DLG2: variants seen among roughly 807,000 people sequenced by gnomAD.
DLG2 encodes discs large MAGUK scaffold protein 2.
A neutral mutation model predicts 132.5 loss-of-function variants in DLG2; 45 were observed. The ratio of observed to expected loss-of-function variants is 0.34; its 90% CI spans 0.27 to 0.44. The LOEUF (loss-of-function observed/expected upper bound fraction) is 0.44, where lower values mean the gene tolerates loss of function less well. Ranked by LOEUF, DLG2 falls within the 20% of genes least tolerant of loss-of-function variation. The pLI is 1.00. For synonymous variants in DLG2, 424 were observed against 419.6 expected (o/e 1.01, Z -0.13); for missense variants, 1,045 against 1,196.9 (o/e 0.87, Z 1.87).
intron 11 of DLG2, among the ~76,000 whole-genome samples, chr11:84,006,066 G>T (rs538821874): frequency 6.6e-6 from 1 of 151,938 alleles, no homozygotes; most frequent in African/African-American, 2.4e-5. Flanking sequence ...GCAAAGACAT[G>T]AAATCAATCT....
At chr11:83,928,599 A>C (rs980552449) in intron 15 of DLG2, among the ~76,000 whole-genome samples, 1 of 152,078 alleles carries the variant, frequency 6.6e-6, no homozygotes, top group African/African-American at 2.4e-5. Flanking sequence ...AATGGGGGGA[A>C]ATTTTTTTCC....
intron 7 of DLG2, among the ~76,000 whole-genome samples, chr11:84,363,516 T>C (rs2098663371): frequency 6.6e-6 from 1 of 151,996 alleles, no homozygotes; most frequent in African/African-American, 2.4e-5. Flanking sequence ...TTAGTTTAAT[T>C]AGATCCCATT....
chr11:83,565,159 A>T (rs1768628027), intron 19 of DLG2, among the ~76,000 whole-genome samples: 1 of 152,160 alleles, frequency 6.6e-6, no homozygotes, highest in African/African-American at 2.4e-5. Context: ...TCCAAAGGCC[A>T]CCTCAGTACT....
intron 7 of DLG2, among the ~76,000 whole-genome samples, chr11:84,258,472 A>G (rs1408590581): frequency 6.6e-6 from 1 of 152,226 alleles, no homozygotes; most frequent in Non-Finnish European, 1.5e-5. Flanking sequence ...AAGCATATAT[A>G]AGGTGCTTAT....
At chr11:84,057,465 A>T (rs2096524201) in intron 11 of DLG2, among the ~76,000 whole-genome samples, 1 of 152,148 alleles carries the variant, frequency 6.6e-6, no homozygotes, top group Admixed American at 6.6e-5. Context: ...TCCTTGCAAT[A>T]TGATTTTAGT....
At chr11:84,144,734 G>T (rs1052768123) in intron 9 of DLG2, among the ~76,000 whole-genome samples, 47 of 152,210 alleles carry the variant, frequency 3.1e-4, no homozygotes, top group Non-Finnish European at 1.2e-4. Context: ...TGTGTGGGTT[G>T]TCTTGTCACT....
chr11:84,305,676 A>C (rs1312806588), intron 7 of DLG2, among the ~76,000 whole-genome samples: 1 of 152,076 alleles, frequency 6.6e-6, no homozygotes, highest in Non-Finnish European at 1.5e-5. Context: ...GAAGGCATAT[A>C]TTTGATTTCT....
intron 6 of DLG2, among the ~76,000 whole-genome samples, chr11:85,100,343 C>A (rs1044363320): frequency 2.0e-5 from 3 of 152,000 alleles, no homozygotes; most frequent in African/African-American, 7.3e-5. Flanking sequence ...CTGATTTAGG[C>A]ATATTTATAT....
At chr11:84,944,605 A>ATT (rs60502429) in intron 6 of DLG2, among the ~76,000 whole-genome samples, 78,623 of 133,736 alleles carry the variant, frequency 0.59, 24,108 homozygotes, top group East Asian at 0.76. Flanking sequence ...GTCTCTGTTA[A>ATT]TTTTTTTTTT....
At chr11:84,099,397 A>T (rs1047998360) in intron 9 of DLG2, among the ~76,000 whole-genome samples, 1 of 152,168 alleles carries the variant, frequency 6.6e-6, no homozygotes, top group Non-Finnish European at 1.5e-5. Flanking sequence ...TTATACATTT[A>T]TATGAAAGAG....
chr11:84,840,944 A>G (rs1353378220), intron 6 of DLG2, among the ~76,000 whole-genome samples: 2 of 151,762 alleles, frequency 1.3e-5, no homozygotes, highest in Non-Finnish European at 2.9e-5. Context: ...AATATGTAAC[A>G]AACCTACGTG....
rs1025670008 is a variant in DLG2, at chr11:85,472,658, G to A, written c.40+125999C>T. On this transcript the variant is annotated intron_variant, in intron 3 of 27. Coordinates refer to ENST00000376104, the MANE Select transcript of DLG2 (RefSeq NM_001142699.3). ...CCTTGCTCACTCTTTGGTTATCCTT[G>A]TAACCTCATTCTTAAATGTGGGAAA... 1.8e-4 allele frequency among the ~76,000 whole-genome samples: 28 copies of A among 152,132 alleles called. 1 individual carries two copies. Among genetic ancestry groups the A allele is most frequent in the Non-Finnish European group, 3.5e-4 (24 of 68,038 alleles).
chr11:83,971,235 G>A (rs1417386514), intron 12 of DLG2, among the ~76,000 whole-genome samples: 1 of 152,062 alleles, frequency 6.6e-6, no homozygotes, highest in Non-Finnish European at 1.5e-5. Flanking sequence ...TCTCTGTGGG[G>A]TGCACCACAC....
At chr11:85,430,928 C>T (rs2091138093) in intron 3 of DLG2, among the ~76,000 whole-genome samples, 1 of 150,282 alleles carries the variant, frequency 6.7e-6, no homozygotes, top group African/African-American at 2.4e-5. Flanking sequence ...GCCAAGATTA[C>T]ACCACTGTAT....
intron 4 of DLG2, among the ~76,000 whole-genome samples, chr11:85,273,658 G>A (rs2077692740): frequency 1.3e-5 from 2 of 152,184 alleles, no homozygotes; most frequent in African/African-American, 4.8e-5. Context: ...CTGTTGGTGG[G>A]ACTGTAAACT....
At chr11:85,377,647 A>G (rs986471729) in intron 3 of DLG2, among the ~76,000 whole-genome samples, 2 of 151,942 alleles carry the variant, frequency 1.3e-5, no homozygotes, top group African/African-American at 4.8e-5. Flanking sequence ...AAGTTTGCTC[A>G]TTGGTTTCCT....
chr11:84,868,923 C>A (rs764597044), intron 6 of DLG2, among the ~76,000 whole-genome samples: 21 of 152,154 alleles, frequency 1.4e-4, no homozygotes, highest in Non-Finnish European at 2.8e-4. Flanking sequence ...TTTTCAAATT[C>A]TACAGCTGGA....
intron 7 of DLG2, among the ~76,000 whole-genome samples, chr11:84,421,500 T>C (rs111750966): frequency 0.011 from 1,724 of 152,278 alleles, 21 homozygotes; most frequent in African/African-American, 0.034. Context: ...AGTTTGAGAA[T>C]ACTGTAAACG....
chr11:83,466,814 T>C lies in DLG2; in HGVS notation c.2623A>G (p.Lys875Glu). 6.2e-7 allele frequency: 1 copy of C among 1,608,984 alleles called. No homozygotes were observed. Among genetic ancestry groups the C allele is most frequent in the East Asian group, 2.2e-5 (1 of 44,828 alleles). ...QSVRFVAERGKHCILDVSGNA... is the reference protein window; with the variant it reads ...QSVRFVAERGEHCILDVSGNA... ...CCTGATACATCAAGTATACAGTGTT[T>C]GCCCTGGTAGAAAGAGAAGAAAAAT... Residue 875 changes from lysine (K) to glutamate (E), a missense_variant, in exon 26 of 28, where the codon AAA (lysine) becomes GAA (glutamate). Lys to Glu is a moderately conservative substitution (Grantham distance 56, BLOSUM62 1). Around this residue, in one of 4 missense-constraint regions of DLG2, gnomAD observed 398 missense variants for 543.6 expected, o/e 0.73. Transcript: ENST00000376104.
Sources: gnomAD v4.1 joint callset for allele counts (sites outside exome capture counted in the v4.1 genomes callset) on GRCh38, gnomAD v4.1.1 for gene constraint, gnomAD v4.1.1 regional missense constraint, MANE v1.5 for transcripts, NCBI Gene and HGNC (gene_info 2026-07-23, HGNC 2026-07-21) for gene names.